SYCE1L: variants seen among roughly 807,000 people sequenced by gnomAD.
SYCE1L encodes synaptonemal complex central element protein 1 like.
In SYCE1L, 51 loss-of-function variants were observed where a neutral mutation model predicts 39.6. The ratio of observed to expected loss-of-function variants is 1.29; its 90% CI spans 1.03 to 1.63. SYCE1L has a LOEUF of 1.63. Ranked by LOEUF, SYCE1L falls within the 40% of genes most tolerant of loss-of-function variation. The probability of loss-of-function intolerance (pLI) is 0.00; values close to 1 mark genes in which losing one functional copy is unlikely to be tolerated. For missense variants in SYCE1L, 426 were observed against 304.9 expected, an observed-to-expected ratio of 1.40 and a Z score of -2.96; for synonymous variants, 147 against 122.4, an observed-to-expected ratio of 1.20 and a Z score of -1.33.
At chr16:77,202,177 G>C (rs1439475569) in intron 1 of SYCE1L, 1 of 152,162 alleles carries the variant, frequency 6.6e-6, no homozygotes, top group African/African-American at 2.4e-5. Flanking sequence ...TAACATCCAG[G>C]TTTTGATTGT....
rs1169563929 is a variant in SYCE1L, at chr16:77,208,239, C to A, written c.151C>A (p.Leu51Met). 2 of 1,551,546 alleles carry A rather than the reference C, an allele frequency of 1.3e-6. No homozygotes were observed. Residue 51 changes from leucine (L) to methionine (M), a missense_variant, in exon 3 of 11, where the codon CTG (leucine) becomes ATG (methionine). By Grantham distance (15) the Leu-to-Met change is conservative. Coordinates refer to ENST00000378644, the MANE Select transcript of SYCE1L (RefSeq NM_001129979.3). Reference protein sequence around the residue: ...EGSLEPQIEDLISRINDLQQA... With the variant: ...EGSLEPQIEDMISRINDLQQA... ...AAGCCTGGAGCCACAGATAGAGGAC[C>A]TGATTAGCCGGATTAATGATCTTCA...
intron 4 of SYCE1L, 95 bp from the exon 5 acceptor site, chr16:77,209,002 T>C (rs1048453670): frequency 7.4e-7 from 1 of 1,347,268 alleles, no homozygotes; most frequent in Non-Finnish European, 1.0e-6. Flanking sequence ...CCTAGGGCTG[T>C]ACTACACCTT....
intron 1 of SYCE1L, among the ~76,000 whole-genome samples, chr16:77,203,794 C>T (rs1158634870): frequency 1.3e-5 from 2 of 151,870 alleles, no homozygotes; most frequent in Non-Finnish European, 2.9e-5. Flanking sequence ...GGGGTTTTGC[C>T]ACGTTGGCCA....
At chr16:77,202,715 T>C (rs574986934) in intron 1 of SYCE1L, among the ~76,000 whole-genome samples, 21 of 152,308 alleles carry the variant, frequency 1.4e-4, no homozygotes, top group African/African-American at 4.8e-4. Context: ...CCTTAAGTAG[T>C]TGAGACTCCT....
At chr16:77,210,804 G>A (rs1448963280) in intron 6 of SYCE1L, among the ~76,000 whole-genome samples, 1 of 152,204 alleles carries the variant, frequency 6.6e-6, no homozygotes, top group African/African-American at 2.4e-5. Context: ...AAAGGTGAAT[G>A]CTGTGAACAG....
At chr16:77,211,951 T>A (rs2054825527) in intron 7 of SYCE1L, among the ~76,000 whole-genome samples, 179 bp from the exon 8 acceptor site, 1 of 151,732 alleles carries the variant, frequency 6.6e-6, no homozygotes, top group African/African-American at 2.4e-5. Context: ...TGGAGAGCGT[T>A]TAGGGGGAGG....
At chr16:77,210,249 G>C (rs934695345) in intron 6 of SYCE1L, among the ~76,000 whole-genome samples, 3 of 152,158 alleles carry the variant, frequency 2.0e-5, no homozygotes, top group Admixed American at 1.3e-4. Flanking sequence ...ATGTTGGTCA[G>C]GCTGGTCTCG....
intron 6 of SYCE1L, among the ~76,000 whole-genome samples, chr16:77,210,335 C>T (rs915280891): frequency 3.4e-4 from 52 of 152,104 alleles, no homozygotes; most frequent in Non-Finnish European, 1.6e-4. Context: ...CTACCACACC[C>T]GACATCTTCT....
intron 6 of SYCE1L, 101 bp downstream of exon 6, chr16:77,209,572 T>A: frequency 7.7e-7 from 1 of 1,293,742 alleles, no homozygotes; most frequent in East Asian, 2.5e-5. Context: ...AGCCTCATTT[T>A]ACCTTTCTAT....
chr16:77,208,630 A>G (rs1268990953), intron 4 of SYCE1L, 91 bp downstream of exon 4: 12 of 1,248,302 alleles, frequency 9.6e-6, no homozygotes, highest in East Asian at 2.5e-5. Context: ...CTGGCCTACA[A>G]TGCTCTTAGC....
chr16:77,210,371 T>C (rs974457607), intron 6 of SYCE1L, among the ~76,000 whole-genome samples: 1 of 152,192 alleles, frequency 6.6e-6, no homozygotes, highest in Non-Finnish European at 1.5e-5. Context: ...ACACTCCTGT[T>C]ACCAGAGGTC....
intron 8 of SYCE1L, 27 bp downstream of exon 8, chr16:77,212,226 G>A (rs1182368450): frequency 6.5e-7 from 1 of 1,543,740 alleles, no homozygotes; most frequent in Admixed American, 2.0e-5. Flanking sequence ...AGGTGGGCGG[G>A]GGGAGGGGGA....
In SYCE1L at chr16:77,209,409, C is replaced by A. The variant is rs1230531003; in HGVS notation, c.305-8C>A. On this transcript the variant is annotated splice_polypyrimidine_tract_variant and splice_region_variant and intron_variant, in intron 5 of 10. Coordinates refer to ENST00000378644, the MANE Select transcript of SYCE1L (RefSeq NM_001129979.3). Reference sequence around the variant, plus strand: ...TCTCAAAGGGTCCCCTTGGTTCCTTCCCCACAGAGGCACTGAGGATCCTCC... The same window carrying A: ...TCTCAAAGGGTCCCCTTGGTTCCTTACCCACAGAGGCACTGAGGATCCTCC... 1 of 1,551,684 alleles carries A rather than the reference C, an allele frequency of 6.4e-7. No homozygotes were observed. The highest frequency in any genetic ancestry group is 8.7e-7 in the Non-Finnish European group (1 of 1,146,984).
chr16:77,205,468 A>G (rs2054779993), intron 1 of SYCE1L, among the ~76,000 whole-genome samples: 1 of 150,802 alleles, frequency 6.6e-6, no homozygotes, highest in Non-Finnish European at 1.5e-5. Context: ...ACATATTTAC[A>G]TAGAAGTATA....
chr16:77,208,642 C>T, intron 4 of SYCE1L, 103 bp downstream of exon 4: 2 of 1,157,136 alleles, frequency 1.7e-6, no homozygotes, highest in Non-Finnish European at 1.2e-6. Flanking sequence ...GCTCTTAGCT[C>T]ACATAATCTG....
intron 2 of SYCE1L, among the ~76,000 whole-genome samples, chr16:77,207,744 A>T (rs1384212111): frequency 6.6e-6 from 1 of 152,044 alleles, no homozygotes; most frequent in Non-Finnish European, 1.5e-5. Flanking sequence ...CCTGAGCCAC[A>T]CCAGCCCCTC....
At position 77,211,279 on chromosome 16, in the gene SYCE1L, G is replaced by A. The variant is rs1016365713; in HGVS notation, c.423+3G>A. ...ACAAGGACCTCTGGGAATTCCACGTGAGCCATTATCATTGCCTGCAACCAA... is the reference window on the plus strand; with the variant it reads ...ACAAGGACCTCTGGGAATTCCACGTAAGCCATTATCATTGCCTGCAACCAA... On this transcript the variant is annotated splice_donor_region_variant and intron_variant, in intron 7 of 10. Coordinates refer to ENST00000378644, the MANE Select transcript of SYCE1L (RefSeq NM_001129979.3). 6.4e-7 allele frequency: 1 copy of A among 1,551,754 alleles called. No homozygotes were observed. Among genetic ancestry groups the A allele is most frequent in the Non-Finnish European group, 8.7e-7 (1 of 1,147,046 alleles).
chr16:77,202,907 T>A (rs1228961135), intron 1 of SYCE1L, among the ~76,000 whole-genome samples: 3 of 125,340 alleles, frequency 2.4e-5, no homozygotes, highest in Non-Finnish European at 5.5e-5. Flanking sequence ...AAAATTCTCA[T>A]AATAAGGTAT....
chr16:77,202,152 A>G (rs998710622), intron 1 of SYCE1L: 2 of 152,254 alleles, frequency 1.3e-5, no homozygotes, highest in Non-Finnish European at 2.9e-5. Context: ...TCCTATATTC[A>G]TATTGGATCA....
Sources: allele counts gnomAD v4.1 joint callset (sites outside exome capture counted in the v4.1 genomes callset), GRCh38; gene constraint gnomAD v4.1.1; transcripts MANE v1.5; gene names NCBI Gene and HGNC (gene_info 2026-07-23, HGNC 2026-07-21).